Variants in SEC14L4 observed in about 807,000 individuals in gnomAD.
The protein encoded by SEC14L4 is SEC14-like protein 4.
Under a neutral mutation model 55.1 loss-of-function variants are expected in SEC14L4, and 42 were observed. The ratio of observed to expected loss-of-function variants is 0.76; its 90% confidence interval spans 0.60 to 0.99. The LOEUF (loss-of-function observed/expected upper bound fraction) is 0.99. Among genes scored for constraint, SEC14L4 ranks in the 50% least tolerant of loss-of-function variants. The probability of loss-of-function intolerance (pLI) is 0.00; values close to 1 mark genes in which losing one functional copy is unlikely to be tolerated. For missense variants in SEC14L4, 445 were observed against 512.1 expected, an observed-to-expected ratio of 0.87 and a Z score of 1.27; for synonymous variants, 206 against 206.8, an observed-to-expected ratio of 1.00 and a Z score of 0.03.
Position 30,494,234 on chromosome 22 carries a change from T to C in SEC14L4, c.520-24A>G, listed in dbSNP as rs1327184049. 5 of 1,602,768 alleles carry C rather than the reference T, an allele frequency of 3.1e-6. No individual in the cohort carries two copies. The African/African-American group carries it at 4.0e-5, about 13-fold the overall frequency. On this transcript the variant is annotated intron_variant, in intron 6 of 11. Coordinates refer to ENST00000255858, the MANE Select transcript of SEC14L4 (RefSeq NM_174977.4). ...AACTGTGGAGTCAAGATGAGTCTGG[T>C]TGGGGCTCTGTTCCATCACCTCCCG...
Position 30,489,927 on chromosome 22 carries a change from G to T in SEC14L4, c.*180C>A. On this transcript the variant is annotated 3_prime_UTR_variant, in exon 12 of 12. Coordinates refer to ENST00000255858, the MANE Select transcript of SEC14L4 (RefSeq NM_174977.4). ...TGTCTGAATCTTCAGCATGGGCTAT[G>T]CACTGGTGGCCCCTTCCTGCTTGGC... 7 of 1,551,902 alleles carry T rather than the reference G, an allele frequency of 4.5e-6. No homozygotes were observed. Among genetic ancestry groups the T allele is most frequent in the Non-Finnish European group, 6.1e-6 (7 of 1,147,070 alleles).
chr22:30,499,172 T>C (rs1460477762), intron 2 of SEC14L4, among the ~76,000 whole-genome samples: 2 of 151,984 alleles, frequency 1.3e-5, no homozygotes, highest in African/African-American at 2.4e-5. Context: ...CTTGATCTCC[T>C]GAGCCACCGC....
Position 30,495,908 on chromosome 22 carries a change from T to A in SEC14L4, c.174+20A>T, listed in dbSNP as rs750856847. 4.3e-6 allele frequency: 7 copies of A among 1,613,124 alleles called. No individual in the cohort carries two copies. The highest frequency in any genetic ancestry group is 5.1e-6 in the Non-Finnish European group (6 of 1,179,278). On this transcript the variant is annotated intron_variant, in intron 3 of 11. Coordinates refer to ENST00000255858, the MANE Select transcript of SEC14L4 (RefSeq NM_174977.4). ...TCACAGTGCATGGAAGGCAGGGCAG[T>A]AGGGATCACAGATCCTTACCCTTCG...
chr22:30,501,259 C>T (rs1936312032), intron 2 of SEC14L4, among the ~76,000 whole-genome samples: 1 of 152,126 alleles, frequency 6.6e-6, no homozygotes, highest in Non-Finnish European at 1.5e-5. Context: ...TCCCATCACC[C>T]ATGGCATGAG....
At chr22:30,499,352 G>A (rs965535720) in intron 2 of SEC14L4, among the ~76,000 whole-genome samples, 3 of 150,934 alleles carry the variant, frequency 2.0e-5, no homozygotes, top group Non-Finnish European at 4.4e-5. Flanking sequence ...CAAAGTGCTG[G>A]GATTACAGGT....
chr22:30,491,721 A>C lies in SEC14L4; in HGVS notation c.933T>G (p.Gly311=), dbSNP rs569191306. The change falls in exon 11 of 12, where the codon GGT becomes GGG. Residue 311 remains glycine (G), a synonymous_variant. Transcript: ENST00000255858. ...CVLRWQFASD[G]GDIGFGVFLK... is the part of the protein sequence containing the mutation. ...GGAAAACCCCAAAGCCGATGTCCCC[A>C]CCATCTGAAGCAAACTGCCACCTGC... The C allele has an allele frequency of 6.2e-7, 1 of 1,614,032 alleles. No homozygotes were observed. The highest frequency in any genetic ancestry group is 1.3e-5 in the African/African-American group (1 of 75,006).
At chr22:30,499,918 G>A (rs1397523648) in intron 2 of SEC14L4, among the ~76,000 whole-genome samples, 1 of 150,436 alleles carries the variant, frequency 6.6e-6, no homozygotes, top group African/African-American at 2.5e-5. Flanking sequence ...TTCCCAGCCT[G>A]GAGTGTGATG....
chr22:30,495,521 A>T, intron 4 of SEC14L4, 62 bp downstream of exon 4: 1 of 1,609,200 alleles, frequency 6.2e-7, no homozygotes, highest in Non-Finnish European at 8.5e-7. Flanking sequence ...TGGACGTGGT[A>T]GGTGGGAGAT....
In SEC14L4 at chr22:30,496,035, C is replaced by A. The variant is rs1319321915; in HGVS notation, c.131-64G>T. 5 of 1,444,038 alleles carry A rather than the reference C, an allele frequency of 3.5e-6. No individual in the cohort carries two copies. The African/African-American group carries it at 5.6e-5, about 16-fold the overall frequency. 89.5% of individuals were successfully genotyped at this position (1,444,038 alleles called of 1,614,324 possible). A position where few individuals can be genotyped will look rare whatever the true frequency, so the allele number is the denominator to read the frequency against. Reference sequence around the variant, plus strand: ...TCCAGAAAGAGCCCTTCCCTAAAAACTCATGAGGAAACAGCTAAGGTGTCC... The same window carrying A: ...TCCAGAAAGAGCCCTTCCCTAAAAAATCATGAGGAAACAGCTAAGGTGTCC... On this transcript the variant is annotated intron_variant, in intron 2 of 11. Transcript: ENST00000255858.
chr22:30,495,794 A>T (rs1936130336), intron 3 of SEC14L4, 134 bp downstream of exon 3: 3 of 1,595,404 alleles, frequency 1.9e-6, no homozygotes, highest in Non-Finnish European at 2.6e-6. Context: ...CTTGGGTCTG[A>T]TGCAGAAAGA....
intron 4 of SEC14L4, 68 bp downstream of exon 4, chr22:30,495,515 C>A: frequency 1.9e-6 from 3 of 1,608,282 alleles, no homozygotes; most frequent in African/African-American, 2.7e-5. Context: ...GGTGGCTGGA[C>A]GTGGTAGGTG....
chr22:30,501,711 A>C (rs1051305945), intron 2 of SEC14L4, among the ~76,000 whole-genome samples: 14 of 152,056 alleles, frequency 9.2e-5, no homozygotes, highest in Non-Finnish European at 1.0e-4. Flanking sequence ...TCATCATCAT[A>C]AGAAGAAGAT....
At position 30,491,674 on chromosome 22, in the gene SEC14L4, T is replaced by C. The variant is rs746160644; in HGVS notation, c.980A>G (p.Gln327Arg). The change falls in exon 11 of 12, where the codon CAG becomes CGG. Residue 327 changes from glutamine to arginine, a missense_variant. Coordinates refer to ENST00000255858, the MANE Select transcript of SEC14L4 (RefSeq NM_174977.4). ...GVFLKTKMGE[Q>R]QSAREMTEVL... is the part of the protein sequence containing the mutation. ...CTCCGTCATCTCCCTAGCACTCTGCTGCTCCCCCATCTTGGTCTTCAGGAA... is the reference window on the plus strand; with the variant it reads ...CTCCGTCATCTCCCTAGCACTCTGCCGCTCCCCCATCTTGGTCTTCAGGAA... The C allele has an allele frequency of 4.6e-5, 75 of 1,613,894 alleles. No homozygotes were observed. Among genetic ancestry groups the C allele is most frequent in the Admixed American group, 1.0e-4 (6 of 60,000 alleles).
chr22:30,495,332 G>A lies in SEC14L4; in HGVS notation c.345C>T (p.Ala115=). ...GCTTCCGGATCATATCCTGCTTGGA[G>A]GCTGACAGCAGGAGACCCTTGGGGT... ...SLDPKGLLLS[A]SKQDMIRKRI... is the part of the protein sequence containing the mutation. The change falls in exon 5 of 12, where the codon GCC becomes GCT. Residue 115 remains alanine, a synonymous_variant. Transcript: ENST00000255858. 6.2e-7 allele frequency: 1 copy of A among 1,614,132 alleles called. No homozygotes were observed. Among genetic ancestry groups the A allele is most frequent in the Non-Finnish European group, 8.5e-7 (1 of 1,180,038 alleles).
intron 7 of SEC14L4, 123 bp downstream of exon 7, chr22:30,494,027 A>G (rs1398415727): frequency 1.4e-6 from 1 of 732,896 alleles, no homozygotes. Flanking sequence ...CCAGAAACCA[A>G]CCACACAAAA....
intron 2 of SEC14L4, among the ~76,000 whole-genome samples, chr22:30,501,207 C>T (rs906861812): frequency 5.3e-5 from 8 of 152,140 alleles, no homozygotes; most frequent in Non-Finnish European, 1.0e-4. Flanking sequence ...CCGGGACTAG[C>T]GGAGCTGACG....
rs568281103 is a variant in SEC14L4, at chr22:30,489,921, G to C, written c.*186C>G. ...GGTTCCTGTCTGAATCTTCAGCATG[G>C]GCTATGCACTGGTGGCCCCTTCCTG... On this transcript the variant is annotated 3_prime_UTR_variant, in exon 12 of 12. Coordinates refer to ENST00000255858, the MANE Select transcript of SEC14L4 (RefSeq NM_174977.4). The C allele has an allele frequency of 3.2e-6, 5 of 1,551,842 alleles. No individual in the cohort carries two copies. The African/African-American group carries it at 5.5e-5, about 17-fold the overall frequency.
At chr22:30,492,704 C>G in intron 7 of SEC14L4, 147 bp from the exon 8 acceptor site, 4 of 650,326 alleles carry the variant, frequency 6.2e-6, no homozygotes, top group Non-Finnish European at 1.1e-5. Context: ...GTTACCCACC[C>G]TCTCCAAGTC....
rs1936399125 is a variant in SEC14L4 at position 30,503,593 on chromosome 22, A to G, written c.130+84T>C. The G allele has an allele frequency of 4.1e-6, 4 of 983,334 alleles. No homozygotes were observed. The Admixed American group carries it at 7.8e-5, about 19-fold the overall frequency. The allele number at this position is 983,334 out of a possible 1,614,324, so 60.9% of individuals were successfully genotyped here. On this transcript the variant is annotated intron_variant, in intron 2 of 11. Transcript: ENST00000255858. ...GTGTTCTTTACTACCCTACAGCTCCATTCCCTCAAAGTCTCCCACTCCTCT... is the reference window on the plus strand; with the variant it reads ...GTGTTCTTTACTACCCTACAGCTCCGTTCCCTCAAAGTCTCCCACTCCTCT...
Sources: allele counts gnomAD v4.1 joint callset (sites outside exome capture counted in the v4.1 genomes callset), GRCh38; gene constraint gnomAD v4.1.1; transcripts MANE v1.5; gene names NCBI Gene and HGNC (gene_info 2026-07-23, HGNC 2026-07-21).